MUC12: variants seen among roughly 807,000 people sequenced by gnomAD.
MUC12 encodes mucin-12.
MUC12 carries 172 observed loss-of-function variants against 230.8 expected under a neutral mutation model. The observed-to-expected ratio is 0.75, with a 90% confidence interval of 0.66 to 0.85. The LOEUF is 0.85. Ranked by LOEUF, MUC12 falls within the 40% of genes least tolerant of loss-of-function variation. The pLI, the probability that MUC12 is intolerant of heterozygous loss-of-function variation, is 0.00. For synonymous variants in MUC12, 1,259 were observed against 2,401.9 expected (o/e 0.52, Z 13.91); for missense variants, 3,506 against 5,920.6 (o/e 0.59, Z 13.38).
At position 101,014,015 on chromosome 7, in the gene MUC12, G is replaced by C. The variant is rs1349471818; in HGVS notation, c.15741G>C (p.Leu5247=). ...YGIVGAVMAV[L]LLALIILIIL... is the part of the protein sequence containing the mutation. ...TCGTGGGGGCTGTGATGGCGGTGCTGCTGCTCGCATTGATCATCCTAATCA... is the reference window on the plus strand; with the variant it reads ...TCGTGGGGGCTGTGATGGCGGTGCTCCTGCTCGCATTGATCATCCTAATCA... The change falls in exon 9 of 12, where the codon CTG becomes CTC. Residue 5247 remains leucine (L), a synonymous_variant. Transcript: ENST00000536621. 4.6e-6 allele frequency: 7 copies of C among 1,537,030 alleles called. No individual in the cohort carries two copies. Among genetic ancestry groups the C allele is most frequent in the Non-Finnish European group, 5.2e-6 (6 of 1,146,802 alleles).
chr7:100,991,883 C>T lies in MUC12; in HGVS notation c.1320C>T (p.Ser440=), dbSNP rs1461200702. 193 of 1,537,790 alleles carry T rather than the reference C, an allele frequency of 1.3e-4. No homozygotes were observed. Among genetic ancestry groups the T allele is most frequent in the Non-Finnish European group, 1.4e-4 (166 of 1,147,036 alleles). The change falls in exon 2 of 12, where the codon TCC becomes TCT. Residue 440 remains serine (S), a synonymous_variant. Transcript: ENST00000536621. ...GCCGTAGTGAGGAATCAAAAGCATC[C>T]CACAGCAGCCCAGATGCAATGGCAA... ...ISGRSEESKA[S]HSSPDAMATT... is the part of the protein sequence containing the mutation.
At chr7:100,979,901 G>A (rs184564146) in intron 1 of MUC12, among the ~76,000 whole-genome samples, 2 of 152,056 alleles carry the variant, frequency 1.3e-5, no homozygotes, top group South Asian at 2.1e-4. Flanking sequence ...GGGTGGTGGT[G>A]CAGGTCTGTA....
chr7:101,007,727 C>T (rs116734193), intron 3 of MUC12, among the ~76,000 whole-genome samples: 1,730 of 152,294 alleles, frequency 0.011, 28 homozygotes, highest in African/African-American at 0.039. Context: ...GAGATCTCTT[C>T]AATGTACTGA....
chr7:101,006,571 A>T lies in MUC12; in HGVS notation c.15057A>T (p.Val5019=), dbSNP rs967155518. 1.3e-6 allele frequency: 2 copies of T among 1,533,588 alleles called. No homozygotes were observed. The highest frequency in any genetic ancestry group is 3.9e-5 in the Admixed American group (2 of 50,988). The allele number at this position is 1,533,588 out of a possible 1,614,324, so 95.0% of individuals were successfully genotyped here. Residue 5019 remains valine (V), a splice_region_variant and synonymous_variant, in exon 3 of 12, where the codon GTA becomes GTT. Transcript: ENST00000536621. ...QCLSPLESFP[V]ETPEKLNATL... is the part of the protein sequence containing the mutation. ...TGTCCCCTCTGGAATCCTTCCCTGT[A>T]GGTAATGACCTTTTCTGAGACCTGC... is the stretch of plus-strand genomic sequence containing the variant.
chr7:100,979,305 T>C (rs1793071533), intron 1 of MUC12, among the ~76,000 whole-genome samples: 1 of 152,138 alleles, frequency 6.6e-6, no homozygotes, highest in African/African-American at 2.4e-5. Flanking sequence ...GGCTGCAATG[T>C]AGGCAAATAG....
At chr7:100,972,476 T>C (rs1792926828) in intron 1 of MUC12, among the ~76,000 whole-genome samples, 1 of 152,278 alleles carries the variant, frequency 6.6e-6, no homozygotes, top group Non-Finnish European at 1.5e-5. Context: ...GCAGTTCAGA[T>C]GTCAGATCAG....
chr7:100,981,150 T>C (rs1449933153), intron 1 of MUC12, among the ~76,000 whole-genome samples: 1 of 152,218 alleles, frequency 6.6e-6, no homozygotes, highest in African/African-American at 2.4e-5. Flanking sequence ...TTTTTCCTTC[T>C]CTTGGGCTTG....
intron 3 of MUC12, among the ~76,000 whole-genome samples, chr7:101,006,952 GTTATT>G (rs577269830): frequency 1.3e-5 from 2 of 151,940 alleles, no homozygotes; most frequent in Non-Finnish European, 2.9e-5. Flanking sequence ...TACTATTTTA[GTTATT>G]TTATTTTATT....
intron 1 of MUC12, among the ~76,000 whole-genome samples, chr7:100,971,652 G>T (rs1258251278): frequency 1.3e-5 from 2 of 152,312 alleles, no homozygotes; most frequent in Non-Finnish European, 2.9e-5. Flanking sequence ...CTGTGGATTT[G>T]GGGACATTAT....
Position 101,018,660 on chromosome 7 carries a change from A to G in MUC12, c.*24A>G. ...GAGCCAACGGGGGCCTCCCACCCTC[A>G]TCTAGCTCTGTTCAGGAGAGCTGCA... On this transcript the variant is annotated 3_prime_UTR_variant, in exon 12 of 12. Coordinates refer to ENST00000536621, the MANE Select transcript of MUC12 (RefSeq NM_001164462.2). The G allele has an allele frequency of 6.5e-7, 1 of 1,533,014 alleles. No individual in the cohort carries two copies. The highest frequency in any genetic ancestry group is 1.2e-5 in the South Asian group (1 of 83,646). The allele number at this position is 1,533,014 out of a possible 1,614,324, so 95.0% of individuals were successfully genotyped here.
rs561860669 is a variant in MUC12, at chr7:100,982,328, C to T, written c.68-8303C>T. Reference sequence around the variant, plus strand: ...ACAGACAGTGAGCACTTTTACTCACCTCTGGGACCCCACACATGGTGTTCT... The same window carrying T: ...ACAGACAGTGAGCACTTTTACTCACTTCTGGGACCCCACACATGGTGTTCT... On this transcript the variant is annotated intron_variant, in intron 1 of 11. Coordinates refer to ENST00000536621, the MANE Select transcript of MUC12 (RefSeq NM_001164462.2). Among the ~76,000 whole-genome samples, 6 of 152,324 alleles carry T rather than the reference C, an allele frequency of 3.9e-5. No homozygotes were observed. The East Asian group carries it at 1.2e-3, about 29-fold the overall frequency.
chr7:100,991,596 C>G lies in MUC12; in HGVS notation c.1033C>G (p.Pro345Ala), dbSNP rs61745827. Residue 345 changes from proline to alanine, a missense_variant, in exon 2 of 12, where the codon CCA becomes GCA. Pro to Ala is a conservative substitution (Grantham distance 27). Coordinates refer to ENST00000536621, the MANE Select transcript of MUC12 (RefSeq NM_001164462.2). ...CCCAGTTGCAACTGCAACAACACCC[C>G]CACCTGCCCGCTCCGCGACCTCAGG... ...SSPVATATTP[P>A]PARSATSGHV... is the part of the protein sequence containing the mutation. 14 of 1,513,028 alleles carry G rather than the reference C, an allele frequency of 9.3e-6. No individual in the cohort carries two copies. Among genetic ancestry groups the G allele is most frequent in the Non-Finnish European group, 1.1e-5 (13 of 1,132,340 alleles). 93.7% of individuals were successfully genotyped at this position (1,513,028 alleles called of 1,614,324 possible). A position where few individuals can be genotyped will look rare whatever the true frequency, so the allele number is the denominator to read the frequency against.
At position 100,991,612 on chromosome 7, in the gene MUC12, C is replaced by T. The variant is rs200985690; in HGVS notation, c.1049C>T (p.Ala350Val). The T allele has an allele frequency of 3.8e-4, 581 of 1,537,034 alleles. No homozygotes were observed. Among genetic ancestry groups the T allele is most frequent in the Non-Finnish European group, 4.5e-4 (511 of 1,146,382 alleles). Residue 350 changes from alanine to valine, a missense_variant, in exon 2 of 12, where the codon GCG becomes GTG. Transcript: ENST00000536621. The stretch of plus-strand genomic sequence containing the variant: ...ACAACACCCCCACCTGCCCGCTCCG[C>T]GACCTCAGGCCATGTTGAAGAATCT... ...TATTPPPARS[A>V]TSGHVEESTA...
chr7:101,009,999 G>A (rs1793816388), intron 5 of MUC12, among the ~76,000 whole-genome samples: 1 of 152,158 alleles, frequency 6.6e-6, no homozygotes, highest in Non-Finnish European at 1.5e-5. Context: ...GGTAGAGATT[G>A]CATAAGCAGA....
At chr7:100,971,833 G>A (rs1324423884) in intron 1 of MUC12, among the ~76,000 whole-genome samples, 1 of 152,310 alleles carries the variant, frequency 6.6e-6, no homozygotes, top group Non-Finnish European at 1.5e-5. Context: ...GGTGATGACA[G>A]CGATGATGAA....
intron 1 of MUC12, among the ~76,000 whole-genome samples, chr7:100,972,311 C>G (rs1393153523): frequency 1.3e-5 from 2 of 152,134 alleles, no homozygotes; most frequent in African/African-American, 4.8e-5. Context: ...CTGCGCCCCT[C>G]CTCCCCTCTA....
Position 101,004,574 on chromosome 7 carries a change from C to T in MUC12, c.14011C>T (p.Pro4671Ser), listed in dbSNP as rs568266417. Residue 4671 changes from proline to serine, a missense_variant, in exon 2 of 12, where the codon CCT becomes TCT. Pro to Ser is a moderately conservative substitution (Grantham distance 74, BLOSUM62 -1). Transcript: ENST00000536621. ...SPGSIATTHF[P>S]ESSTTSGRSE... is the part of the protein sequence containing the mutation. The stretch of plus-strand genomic sequence containing the variant: ...GGGCTCAATTGCAACAACACACTTT[C>T]CTGAGAGCTCCACAACCTCCGGCCG... 6.5e-7 allele frequency: 1 copy of T among 1,537,062 alleles called. No individual in the cohort carries two copies. The highest frequency in any genetic ancestry group is 1.2e-5 in the South Asian group (1 of 83,996).
chr7:101,010,102 C>T (rs1216277589), intron 5 of MUC12, among the ~76,000 whole-genome samples: 6 of 152,016 alleles, frequency 3.9e-5, no homozygotes, highest in Non-Finnish European at 7.4e-5. Flanking sequence ...GAGGCAGGAC[C>T]AGCAGACCTG....
At chr7:101,010,416 A>G (rs1164548924) in intron 5 of MUC12, among the ~76,000 whole-genome samples, 1 of 152,128 alleles carries the variant, frequency 6.6e-6, no homozygotes, top group East Asian at 1.9e-4. Flanking sequence ...GGCTCACTGC[A>G]GGCTCAACCT....
Sources: allele counts gnomAD v4.1 joint callset (sites outside exome capture counted in the v4.1 genomes callset), GRCh38; gene constraint gnomAD v4.1.1; transcripts MANE v1.5; gene names NCBI Gene and HGNC (gene_info 2026-07-23, HGNC 2026-07-21).